The following ANGPT1 variants were observed in gnomAD, a reference collection of about 807,000 sequenced individuals.
ANGPT1 encodes angiopoietin 1.
In ANGPT1, 17 loss-of-function variants were observed where a neutral mutation model predicts 62.2. That is an observed-to-expected ratio of 0.27 (90% CI 0.19 to 0.41). The LOEUF is 0.41. Ranked by LOEUF, ANGPT1 falls within the 10% of genes least tolerant of loss-of-function variation. ANGPT1 has a pLI of 1.00. For missense variants in ANGPT1, 478 were observed against 594.9 expected, an observed-to-expected ratio of 0.80 and a Z score of 2.04; for synonymous variants, 199 against 198.9, an observed-to-expected ratio of 1.00 and a Z score of 0.00.
At chr8:107,347,188 G>T in intron 1 of ANGPT1, 91 bp from the exon 2 acceptor site, 2 of 1,332,496 alleles carry the variant, frequency 1.5e-6, no homozygotes, top group African/African-American at 1.5e-5. Flanking sequence ...ACAAGACACC[G>T]CTGGCAAATC....
intron 1 of ANGPT1, among the ~76,000 whole-genome samples, chr8:107,490,903 A>G (rs1812937750): frequency 6.6e-6 from 1 of 152,224 alleles, no homozygotes; most frequent in Admixed American, 6.5e-5. Flanking sequence ...ATTTGGCCCA[A>G]GGGCCATCGC....
intron 5 of ANGPT1, among the ~76,000 whole-genome samples, chr8:107,300,773 T>TTTTA (rs1483759265): frequency 1.3e-5 from 2 of 151,890 alleles, no homozygotes; most frequent in Non-Finnish European, 2.9e-5. Context: ...ATATTCTAAG[T>TTTTA]TTTATTTATT....
intron 1 of ANGPT1, among the ~76,000 whole-genome samples, chr8:107,420,361 T>C (rs754522690): frequency 1.3e-4 from 20 of 152,158 alleles, no homozygotes; most frequent in Non-Finnish European, 2.5e-4. Context: ...TCGTGTACCA[T>C]ACGTGACAAA....
intron 1 of ANGPT1, among the ~76,000 whole-genome samples, chr8:107,385,239 A>G (rs1816710916): frequency 1.3e-5 from 2 of 152,206 alleles, no homozygotes; most frequent in African/African-American, 2.4e-5. Context: ...CCATTTTAAC[A>G]GTATTGAAAT....
chr8:107,364,002 G>A (rs1368920337), intron 1 of ANGPT1, among the ~76,000 whole-genome samples: 1 of 152,104 alleles, frequency 6.6e-6, no homozygotes, highest in Non-Finnish European at 1.5e-5. Flanking sequence ...GCAAATCTAA[G>A]TATCTTTCCT....
At chr8:107,355,506 T>A (rs1816024403) in intron 1 of ANGPT1, among the ~76,000 whole-genome samples, 2 of 152,202 alleles carry the variant, frequency 1.3e-5, no homozygotes, top group African/African-American at 2.4e-5. Flanking sequence ...TCGTCATAGA[T>A]GATTCTTAAC....
intron 1 of ANGPT1, among the ~76,000 whole-genome samples, chr8:107,375,394 C>A (rs1321749740): frequency 1.3e-5 from 2 of 151,928 alleles, no homozygotes; most frequent in Non-Finnish European, 2.9e-5. Flanking sequence ...AGCCAGGGGA[C>A]AATGGTCAAA....
chr8:107,467,697 T>C (rs936387334), intron 1 of ANGPT1, among the ~76,000 whole-genome samples: 3 of 152,010 alleles, frequency 2.0e-5, no homozygotes, highest in African/African-American at 7.2e-5. Context: ...CGGTTTAAGG[T>C]AAAATTGACC....
rs1267580053 is a variant in ANGPT1 at position 107,321,924 on chromosome 8, G to A, written c.780C>T (p.Asn260=). Residue 260 remains asparagine, a synonymous_variant, in exon 4 of 9, where the codon AAC becomes AAT. Coordinates refer to ENST00000517746, the MANE Select transcript of ANGPT1 (RefSeq NM_001146.5). The stretch of plus-strand genomic sequence containing the variant: ...CTTCTTTAGTGCAAAGATTGACAAG[G>A]TTGTGGACTGTGTCCATCAGCTCCA... ...QQLELMDTVH[N]LVNLCTKEGV... The A allele has an allele frequency of 1.3e-5, 21 of 1,613,860 alleles. No homozygotes were observed. The highest frequency in any genetic ancestry group is 1.7e-5 in the Non-Finnish European group (20 of 1,179,864).
At chr8:107,262,392 T>A (rs1046997920) in intron 8 of ANGPT1, among the ~76,000 whole-genome samples, 1 of 152,330 alleles carries the variant, frequency 6.6e-6, no homozygotes, top group Admixed American at 6.5e-5. Context: ...AGGTACTACA[T>A]TTTCTAATAA....
In ANGPT1 at chr8:107,458,188, C is replaced by T. The variant is rs1811974830; in HGVS notation, c.297+39074G>A. ...TTACAGTGATCTGCTAACTGGCCTT[C>T]TGGACTTAATTGGGCATTTTATGAT... On this transcript the variant is annotated intron_variant, in intron 1 of 8. Coordinates refer to ENST00000517746, the MANE Select transcript of ANGPT1 (RefSeq NM_001146.5). 2.0e-5 allele frequency among the ~76,000 whole-genome samples: 3 copies of T among 152,088 alleles called. No individual in the cohort carries two copies. The South Asian group carries it at 6.2e-4, about 32-fold the overall frequency.
intron 1 of ANGPT1, among the ~76,000 whole-genome samples, chr8:107,351,496 G>C (rs145450582): frequency 2.0e-3 from 301 of 152,056 alleles, no homozygotes; most frequent in African/African-American, 7.0e-3. Context: ...TGGTTGGCTG[G>C]ATGATTAGTT....
chr8:107,470,396 A>G (rs919361163), intron 1 of ANGPT1, among the ~76,000 whole-genome samples: 1 of 152,104 alleles, frequency 6.6e-6, no homozygotes. Context: ...TTTTATTTGC[A>G]TTACTGCAGG....
chr8:107,400,752 T>C (rs147694245), intron 1 of ANGPT1, among the ~76,000 whole-genome samples: 1 of 151,958 alleles, frequency 6.6e-6, no homozygotes, highest in African/African-American at 2.4e-5. Context: ...TAAAGACGGG[T>C]TTTCACCATA....
At chr8:107,420,451 C>T (rs1239824750) in intron 1 of ANGPT1, among the ~76,000 whole-genome samples, 1 of 152,138 alleles carries the variant, frequency 6.6e-6, no homozygotes, top group Non-Finnish European at 1.5e-5. Context: ...GAATTTAATA[C>T]TATGATTGTG....
At chr8:107,304,264 T>C (rs1489406722) in intron 4 of ANGPT1, among the ~76,000 whole-genome samples, 1 of 151,742 alleles carries the variant, frequency 6.6e-6, no homozygotes, top group Non-Finnish European at 1.5e-5. Flanking sequence ...GAAATAAAAA[T>C]GCAAAATGAC....
chr8:107,310,785 T>C (rs898641107), intron 4 of ANGPT1, among the ~76,000 whole-genome samples: 3 of 152,122 alleles, frequency 2.0e-5, no homozygotes, highest in African/African-American at 7.2e-5. Context: ...GACTCAGGAT[T>C]TACCCCTATT....
intron 1 of ANGPT1, among the ~76,000 whole-genome samples, chr8:107,424,553 T>G (rs1345086688): frequency 6.6e-6 from 1 of 152,100 alleles, no homozygotes; most frequent in Non-Finnish European, 1.5e-5. Flanking sequence ...AAAAAAAAAT[T>G]GAATGTGATG....
rs1023333018 is a variant in ANGPT1, at chr8:107,290,586, C to T, written c.1038+3350G>A. On this transcript the variant is annotated intron_variant, in intron 6 of 8. Coordinates refer to ENST00000517746, the MANE Select transcript of ANGPT1 (RefSeq NM_001146.5). Reference sequence around the variant, plus strand: ...TCTAGAGAAAGAACCGAAACACTGTCTACCATGTGTTTTAACCATCTTGTA... The same window carrying T: ...TCTAGAGAAAGAACCGAAACACTGTTTACCATGTGTTTTAACCATCTTGTA... 3.3e-5 allele frequency among the ~76,000 whole-genome samples: 5 copies of T among 152,158 alleles called. No homozygotes were observed. In the South Asian group the frequency reaches 6.2e-4, roughly 19 times the overall value.
Sources: gnomAD v4.1 joint callset for allele counts (sites outside exome capture counted in the v4.1 genomes callset) on GRCh38, gnomAD v4.1.1 for gene constraint, MANE v1.5 for transcripts, NCBI Gene and HGNC (gene_info 2026-07-23, HGNC 2026-07-21) for gene names.